The following MRAP2 variants were observed in gnomAD, a reference collection of about 807,000 sequenced individuals.
MRAP2 encodes the protein melanocortin 2 receptor accessory protein 2.
Under a neutral mutation model 17.4 loss-of-function variants are expected in MRAP2, and 20 were observed. The ratio of observed to expected loss-of-function variants is 1.15; its 90% confidence interval spans 0.81 to 1.67. The LOEUF (loss-of-function observed/expected upper bound fraction) is 1.67. Among genes scored for constraint, MRAP2 ranks in the 40% most tolerant of loss-of-function variants. The probability of loss-of-function intolerance (pLI) is 0.00; values close to 1 mark genes in which losing one functional copy is unlikely to be tolerated. For missense variants in MRAP2, 238 were observed against 240.0 expected (o/e 0.99, Z 0.05); for synonymous variants, 96 against 88.4 (o/e 1.09, Z -0.48).
At position 84,089,187 on chromosome 6, in the gene MRAP2, C is replaced by G. The variant is rs2099501212; in HGVS notation, c.324C>G (p.Gly108=). Residue 108 remains glycine (G), a synonymous_variant, in exon 4 of 4, where the codon GGC becomes GGG. Coordinates refer to ENST00000257776, the MANE Select transcript of MRAP2 (RefSeq NM_138409.4). ...LEPDKVFSRQ[G]NEESRSLFHC... is the part of the protein sequence containing the mutation. ...CAGATAAAGTATTTTCTCGCCAAGG[C>G]AACGAGGAGTCCAGGTCTCTCTTTC... is the stretch of plus-strand genomic sequence containing the variant. 1 of 1,614,068 alleles carries G rather than the reference C, an allele frequency of 6.2e-7. No homozygotes were observed. Among genetic ancestry groups the G allele is most frequent in the African/African-American group, 1.3e-5 (1 of 74,930 alleles).
intron 1 of MRAP2, among the ~76,000 whole-genome samples, chr6:84,035,119 A>T (rs959017382): frequency 6.6e-6 from 1 of 152,212 alleles, no homozygotes; most frequent in Non-Finnish European, 1.5e-5. Flanking sequence ...AGTTGCTTCC[A>T]GTCTGTATCT....
At chr6:84,126,780 A>G in the MRAP2 span, among the ~76,000 whole-genome samples, 1 of 152,288 alleles carries the variant, frequency 6.6e-6, no homozygotes, top group East Asian at 1.9e-4. Context: ...CTGAAAATGA[A>G]GTTGGCACTT....
intron 3 of MRAP2, 147 bp downstream of exon 3, chr6:84,063,139 T>C (rs1167499660): frequency 3.4e-6 from 5 of 1,461,164 alleles, no homozygotes; most frequent in Non-Finnish European, 3.6e-6. Flanking sequence ...TGCCCGTGGA[T>C]GGGATCCAGC....
At chr6:84,039,431 G>A (rs540638982) in intron 1 of MRAP2, among the ~76,000 whole-genome samples, 2 of 152,174 alleles carry the variant, frequency 1.3e-5, no homozygotes, top group Non-Finnish European at 2.9e-5. Flanking sequence ...TGGAGTATGA[G>A]AAGTGCTTAG....
At chr6:84,078,687 C>T (rs138614835) in intron 3 of MRAP2, among the ~76,000 whole-genome samples, 34 of 152,286 alleles carry the variant, frequency 2.2e-4, no homozygotes, top group African/African-American at 6.5e-4. Context: ...GATTAGCTCT[C>T]TTGGGAATGG....
chr6:84,045,125 G>A, intron 1 of MRAP2: 3 of 640,152 alleles, frequency 4.7e-6, no homozygotes, highest in Non-Finnish European at 5.8e-6. Context: ...TTTATACTAG[G>A]GACTTGAGAA....
At chr6:84,134,703 G>A in the MRAP2 span, among the ~76,000 whole-genome samples, 1 of 152,144 alleles carries the variant, frequency 6.6e-6, no homozygotes, top group African/African-American at 2.4e-5. Flanking sequence ...CCAATGAGAT[G>A]AGCCAGGTAC....
intron 3 of MRAP2, among the ~76,000 whole-genome samples, chr6:84,086,379 T>G (rs1188317156): frequency 1.3e-5 from 2 of 152,182 alleles, no homozygotes; most frequent in African/African-American, 4.8e-5. Flanking sequence ...TTTTGCCATC[T>G]TTCATGATTG....
At chr6:84,047,670 CTT>C (rs971782090) in intron 1 of MRAP2, among the ~76,000 whole-genome samples, 6 of 152,178 alleles carry the variant, frequency 3.9e-5, no homozygotes, top group Admixed American at 3.9e-4. Flanking sequence ...AACTGAAACT[CTT>C]TTACTGGTAA....
chr6:84,115,947 C>A, the MRAP2 span, among the ~76,000 whole-genome samples: 1 of 152,134 alleles, frequency 6.6e-6, no homozygotes, highest in African/African-American at 2.4e-5. Context: ...AACCAAGTAC[C>A]TCAGTTGGAA....
chr6:84,112,570 A>T, the MRAP2 span, among the ~76,000 whole-genome samples: 4 of 151,992 alleles, frequency 2.6e-5, no homozygotes, highest in African/African-American at 7.3e-5. Flanking sequence ...GGATTCATTG[A>T]TTTTTATGAG....
intron 2 of MRAP2, among the ~76,000 whole-genome samples, chr6:84,060,599 T>C (rs548946247): frequency 3.1e-4 from 47 of 152,104 alleles, no homozygotes; most frequent in Admixed American, 1.4e-3. Context: ...GTACAATGTT[T>C]CTTCACAGTC....
the MRAP2 span, among the ~76,000 whole-genome samples, chr6:84,121,632 AG>A: frequency 6.6e-6 from 1 of 152,194 alleles, no homozygotes; most frequent in Non-Finnish European, 1.5e-5. Context: ...TGACGGAGTA[AG>A]ACTCCGTCTC....
At chr6:84,074,684 T>C (rs2099497137) in intron 3 of MRAP2, among the ~76,000 whole-genome samples, 1 of 152,192 alleles carries the variant, frequency 6.6e-6, no homozygotes, top group Non-Finnish European at 1.5e-5. Flanking sequence ...CTTCCCTGCA[T>C]AGCCAAGATT....
At chr6:84,108,433 T>A in the MRAP2 span, among the ~76,000 whole-genome samples, 1 of 152,116 alleles carries the variant, frequency 6.6e-6, no homozygotes, top group African/African-American at 2.4e-5. Flanking sequence ...TGATCAGTGA[T>A]GTTGAGTTTT....
At chr6:84,088,001 T>C (rs947733802) in intron 3 of MRAP2, among the ~76,000 whole-genome samples, 3 of 152,164 alleles carry the variant, frequency 2.0e-5, no homozygotes, top group Admixed American at 2.0e-4. Flanking sequence ...TTTTTTGTTT[T>C]TGTTTTTTTG....
At chr6:84,107,755 T>C in the MRAP2 span, among the ~76,000 whole-genome samples, 4 of 152,240 alleles carry the variant, frequency 2.6e-5, no homozygotes, top group African/African-American at 9.6e-5. Flanking sequence ...CTGTTTATGG[T>C]TGGTTTTATG....
chr6:84,075,349 G>GA (rs761920520), intron 3 of MRAP2, among the ~76,000 whole-genome samples: 11 of 152,190 alleles, frequency 7.2e-5, no homozygotes, highest in Non-Finnish European at 1.2e-4. Flanking sequence ...TGCAGAGGAA[G>GA]AAAGACTGTT....
intron 1 of MRAP2, among the ~76,000 whole-genome samples, chr6:84,045,775 T>C (rs904535518): frequency 4.0e-5 from 6 of 151,860 alleles, no homozygotes; most frequent in African/African-American, 1.5e-4. Flanking sequence ...AAAAAAAGTA[T>C]ATACAGACAC....
Sources: allele counts gnomAD v4.1 joint callset (sites outside exome capture counted in the v4.1 genomes callset), GRCh38; gene constraint gnomAD v4.1.1; transcripts MANE v1.5; gene names NCBI Gene and HGNC (gene_info 2026-07-23, HGNC 2026-07-21).